EPS8: variants seen among roughly 807,000 people sequenced by gnomAD.
The protein encoded by EPS8 is epidermal growth factor receptor kinase substrate 8.
A neutral mutation model predicts 103.8 loss-of-function variants in EPS8; 42 were observed. The ratio of observed to expected loss-of-function variants is 0.40; its 90% CI spans 0.32 to 0.52. The LOEUF is 0.52. Ranked by LOEUF, EPS8 falls within the 20% of genes least tolerant of loss-of-function variation. EPS8 has a pLI of 0.40. For missense variants in EPS8, 969 were observed against 1,005.1 expected (o/e 0.96, Z 0.49); for synonymous variants, 344 against 344.6 (o/e 1.00, Z 0.02).
At position 15,697,631 on chromosome 12, in the gene EPS8, G is replaced by T. The variant is rs989206152; in HGVS notation, c.-21-14659C>A. 2.0e-5 allele frequency among the ~76,000 whole-genome samples: 3 copies of T among 152,126 alleles called. No homozygotes were observed. The highest frequency in any genetic ancestry group is 2.9e-5 in the Non-Finnish European group (2 of 68,026). ...CTTTGCCACATAGAGGAAAATAATGGCTAGAGTTTTTTACCCAAAAATCAC... is the reference window on the plus strand; with the variant it reads ...CTTTGCCACATAGAGGAAAATAATGTCTAGAGTTTTTTACCCAAAAATCAC... On this transcript the variant is annotated intron_variant, in intron 1 of 20. Coordinates refer to ENST00000281172, the MANE Select transcript of EPS8 (RefSeq NM_004447.6). The surrounding 1 kb of genome is among the most constrained non-coding windows in gnomAD (Gnocchi z 5.6).
At chr12:15,685,353 C>G (rs1044330765) in intron 1 of EPS8, among the ~76,000 whole-genome samples, 2 of 151,896 alleles carry the variant, frequency 1.3e-5, no homozygotes, top group Non-Finnish European at 2.9e-5. Flanking sequence ...CAAGTTTCTT[C>G]CAAAACTGAA....
At chr12:15,654,401 A>G in intron 12 of EPS8, 108 bp from the exon 13 acceptor site, 1 of 985,336 alleles carries the variant, frequency 1.0e-6, no homozygotes, top group East Asian at 2.5e-5. Flanking sequence ...TTTAATAGTC[A>G]TATTAACTTT....
rs1351306889 is a variant in EPS8 at position 15,759,466 on chromosome 12, C to T, written c.-22+29695G>A. ...AGCACTGACAAATTAAACCTTTATA[C>T]ACTAAAAAGTCTTCAGTCTCTTAAA... On this transcript the variant is annotated intron_variant, in intron 1 of 20. Coordinates refer to ENST00000281172, the MANE Select transcript of EPS8 (RefSeq NM_004447.6). This position sits in a 1 kb window ranked among gnomAD's most constrained non-coding sequence, Gnocchi z 4.9. 6.6e-6 allele frequency among the ~76,000 whole-genome samples: 1 copy of T among 152,050 alleles called. No individual in the cohort carries two copies. The highest frequency in any genetic ancestry group is 1.9e-4 in the East Asian group (1 of 5,196).
Position 15,631,530 on chromosome 12 carries a change from T to G in EPS8, c.1956A>C (p.Ala652=), listed in dbSNP as rs753729206. 1.9e-6 allele frequency: 3 copies of G among 1,614,068 alleles called. No individual in the cohort carries two copies. The highest frequency in any genetic ancestry group is 2.5e-6 in the Non-Finnish European group (3 of 1,180,002). ...AGCTGCTGTTTTGACGTGTTATATT[T>G]GCTGGGACCTTTGACACAGGAACAG... is the stretch of plus-strand genomic sequence containing the variant. ...PAPVPVSKVP[A]NITRQNSSSS... Residue 652 remains alanine (A), a synonymous_variant, in exon 18 of 21, where the codon GCA becomes GCC. Coordinates refer to ENST00000281172, the MANE Select transcript of EPS8 (RefSeq NM_004447.6).
chr12:15,687,376 G>C (rs1272555256), intron 1 of EPS8, among the ~76,000 whole-genome samples: 1 of 152,076 alleles, frequency 6.6e-6, no homozygotes, highest in Non-Finnish European at 1.5e-5. Flanking sequence ...ACAATTTCTA[G>C]ACCATATAGA....
intron 15 of EPS8, among the ~76,000 whole-genome samples, chr12:15,645,171 A>G (rs1945299603): frequency 6.6e-6 from 1 of 152,132 alleles, no homozygotes; most frequent in Non-Finnish European, 1.5e-5. Context: ...AGGAAAAAAA[A>G]TTGTTAAAAA....
At position 15,717,454 on chromosome 12, in the gene EPS8, G is replaced by A. The variant is rs1221897121; in HGVS notation, c.-21-34482C>T. On this transcript the variant is annotated intron_variant, in intron 1 of 20. Transcript: ENST00000281172. The surrounding 1 kb of genome is among the most constrained non-coding windows in gnomAD (Gnocchi z 4.3). The stretch of plus-strand genomic sequence containing the variant: ...ATACAAAAATTAGCTGGGCGCGGTG[G>A]CACGTGCCTGTAATCCCAGCTACTT... Among the ~76,000 whole-genome samples the A allele has an allele frequency of 2.0e-5, 3 of 152,086 alleles. No homozygotes were observed. Among genetic ancestry groups the A allele is most frequent in the African/African-American group, 7.2e-5 (3 of 41,412 alleles).
At chr12:15,708,589 A>G (rs1417069029) in intron 1 of EPS8, among the ~76,000 whole-genome samples, 1 of 152,214 alleles carries the variant, frequency 6.6e-6, no homozygotes, top group Non-Finnish European at 1.5e-5. Flanking sequence ...TGTGTAGCCT[A>G]GGCAGCTCAT....
In EPS8 at chr12:15,704,394, A is replaced by T. The variant is rs1946356290; in HGVS notation, c.-21-21422T>A. 6.6e-6 allele frequency among the ~76,000 whole-genome samples: 1 copy of T among 152,226 alleles called. No homozygotes were observed. Among genetic ancestry groups the T allele is most frequent in the Non-Finnish European group, 1.5e-5 (1 of 68,036 alleles). ...TACATAAGGGAATTATTTATCCTTTAAAAGGAAACAGACATCTCTCATACA... is the reference window on the plus strand; with the variant it reads ...TACATAAGGGAATTATTTATCCTTTTAAAGGAAACAGACATCTCTCATACA... On this transcript the variant is annotated intron_variant, in intron 1 of 20. Transcript: ENST00000281172. This position sits in a 1 kb window ranked among gnomAD's most constrained non-coding sequence, Gnocchi z 4.6.
chr12:15,740,404 G>T (rs2136005016), intron 1 of EPS8, among the ~76,000 whole-genome samples: 1 of 152,092 alleles, frequency 6.6e-6, no homozygotes, highest in African/African-American at 2.4e-5. Context: ...AATTAGCCAG[G>T]CGTGGTGGTG....
chr12:15,632,229 C>T (rs766952231), intron 17 of EPS8, among the ~76,000 whole-genome samples: 35 of 151,904 alleles, frequency 2.3e-4, no homozygotes, highest in Non-Finnish European at 3.8e-4. Context: ...GGAAATGTCA[C>T]GGGGTGGATG....
Position 15,708,853 on chromosome 12 carries a change from C to T in EPS8, c.-21-25881G>A, listed in dbSNP as rs560544821. Among the ~76,000 whole-genome samples, 3 of 152,276 alleles carry T rather than the reference C, an allele frequency of 2.0e-5. No individual in the cohort carries two copies. In the South Asian group the frequency reaches 6.2e-4, roughly 32 times the overall value. Reference sequence around the variant, plus strand: ...AAAGCCTGTGTTTCTCTTCAATTTCCTATCAGTCCAAAGTCTTTCCCTAGT... The same window carrying T: ...AAAGCCTGTGTTTCTCTTCAATTTCTTATCAGTCCAAAGTCTTTCCCTAGT... On this transcript the variant is annotated intron_variant, in intron 1 of 20. Coordinates refer to ENST00000281172, the MANE Select transcript of EPS8 (RefSeq NM_004447.6).
Position 15,731,548 on chromosome 12 carries a change from T to C in EPS8, c.-21-48576A>G, listed in dbSNP as rs1047015925. On this transcript the variant is annotated intron_variant, in intron 1 of 20. Coordinates refer to ENST00000281172, the MANE Select transcript of EPS8 (RefSeq NM_004447.6). This position sits in a 1 kb window ranked among gnomAD's most constrained non-coding sequence, Gnocchi z 5.1. ...CCTGACTTCAGGTGATCCACCCACCTTGGCATCCCAAAGTGCTGGGATTAT... is the reference window on the plus strand; with the variant it reads ...CCTGACTTCAGGTGATCCACCCACCCTGGCATCCCAAAGTGCTGGGATTAT... Among the ~76,000 whole-genome samples the C allele has an allele frequency of 4.6e-5, 7 of 152,206 alleles. No individual in the cohort carries two copies. The highest frequency in any genetic ancestry group is 1.4e-4 in the African/African-American group (6 of 41,468).
intron 8 of EPS8, chr12:15,665,234 T>G (rs984509815): frequency 1.3e-5 from 2 of 152,350 alleles, no homozygotes; most frequent in African/African-American, 2.4e-5. Context: ...ATAAAAAGAC[T>G]CTAACCCTAA....
chr12:15,676,133 C>G (rs1565494509), intron 3 of EPS8, among the ~76,000 whole-genome samples: 1 of 151,624 alleles, frequency 6.6e-6, no homozygotes, highest in African/African-American at 2.4e-5. Flanking sequence ...ATTAGCCAGG[C>G]GTGGTGGCGG....
chr12:15,632,784 T>G (rs1275439048), intron 17 of EPS8, among the ~76,000 whole-genome samples: 1 of 152,000 alleles, frequency 6.6e-6, no homozygotes, highest in Non-Finnish European at 1.5e-5. Context: ...ACACATCACT[T>G]TTTAATTAAA....
At chr12:15,782,288 T>C (rs1947268192) in intron 1 of EPS8, among the ~76,000 whole-genome samples, 2 of 151,452 alleles carry the variant, frequency 1.3e-5, no homozygotes, top group South Asian at 4.2e-4. Context: ...TGCCTGGGAG[T>C]TCAAAACCAT....
intron 3 of EPS8, among the ~76,000 whole-genome samples, chr12:15,675,682 C>A (rs935831194): frequency 2.0e-5 from 3 of 152,170 alleles, no homozygotes; most frequent in African/African-American, 7.2e-5. Context: ...ATAATAAAAT[C>A]TCAAAGTTAA....
At chr12:15,621,538 T>A (rs1944862452) in intron 20 of EPS8, 108 bp from the exon 21 acceptor site, 1 of 607,940 alleles carries the variant, frequency 1.6e-6, no homozygotes, top group Non-Finnish European at 2.8e-6. Context: ...TTCTAGTATC[T>A]CTTTAGGAAA....
Sources: gnomAD v4.1 joint callset for allele counts (sites outside exome capture counted in the v4.1 genomes callset) on GRCh38, gnomAD v4.1.1 for gene constraint, Gnocchi (gnomAD v3.1) non-coding constraint, MANE v1.5 for transcripts, NCBI Gene and HGNC (gene_info 2026-07-23, HGNC 2026-07-21) for gene names.